Variants in NLGN1 observed in about 807,000 individuals in gnomAD.
NLGN1 encodes the protein neuroligin-1.
NLGN1 carries 12 observed loss-of-function variants against 65.5 expected under a neutral mutation model. That is an observed-to-expected ratio of 0.18 (90% confidence interval 0.12 to 0.30). The LOEUF is 0.30. Ranked by LOEUF, NLGN1 falls within the 10% of genes least tolerant of loss-of-function variation. The pLI, the probability that NLGN1 is intolerant of heterozygous loss-of-function variation, is 1.00. For synonymous variants in NLGN1, 350 were observed against 359.5 expected (o/e 0.97, Z 0.30); for missense variants, 750 against 1,007.1 (o/e 0.74, Z 3.46).
chr3:173,606,477 A>G (rs1015703459), intron 3 of NLGN1, among the ~76,000 whole-genome samples: 7 of 152,016 alleles, frequency 4.6e-5, no homozygotes, highest in African/African-American at 1.4e-4. Context: ...AGAATTTCCA[A>G]TCTTCATACA....
At chr3:174,191,575 A>G (rs939718853) in intron 4 of NLGN1, among the ~76,000 whole-genome samples, 4 of 152,158 alleles carry the variant, frequency 2.6e-5, no homozygotes, top group African/African-American at 9.7e-5. Flanking sequence ...CCAAAAATGA[A>G]ACTACAAATC....
chr3:174,101,377 G>A (rs764208329), intron 4 of NLGN1, among the ~76,000 whole-genome samples: 6 of 152,128 alleles, frequency 3.9e-5, no homozygotes, highest in Non-Finnish European at 5.9e-5. Flanking sequence ...CTATTTGCTT[G>A]TTTAAACTGG....
intron 4 of NLGN1, among the ~76,000 whole-genome samples, chr3:173,963,828 G>A (rs1714174203): frequency 6.6e-6 from 1 of 152,146 alleles, no homozygotes; most frequent in Admixed American, 6.5e-5. Context: ...ACAGAGGTGG[G>A]CAGACTTGGA....
chr3:173,820,608 G>A (rs1720092786), intron 4 of NLGN1, among the ~76,000 whole-genome samples: 1 of 152,126 alleles, frequency 6.6e-6, no homozygotes, highest in Non-Finnish European at 1.5e-5. Context: ...ATTAGGCACA[G>A]TACTTTATTA....
chr3:173,847,503 G>C (rs1018250452), intron 4 of NLGN1, among the ~76,000 whole-genome samples: 7 of 152,244 alleles, frequency 4.6e-5, no homozygotes, highest in African/African-American at 1.7e-4. Flanking sequence ...TAGCTTTAAA[G>C]ACTGGCTTAT....
At chr3:174,039,679 G>A (rs946461923) in intron 4 of NLGN1, among the ~76,000 whole-genome samples, 5 of 152,000 alleles carry the variant, frequency 3.3e-5, no homozygotes, top group African/African-American at 9.7e-5. Flanking sequence ...AAATATATAC[G>A]CCTGAAAAGT....
At chr3:174,130,626 A>G (rs1394042995) in intron 4 of NLGN1, among the ~76,000 whole-genome samples, 1 of 152,142 alleles carries the variant, frequency 6.6e-6, no homozygotes, top group East Asian at 1.9e-4. Flanking sequence ...TCACAAACAG[A>G]TGAACTTTTT....
At chr3:174,099,432 A>G in intron 4 of NLGN1, among the ~76,000 whole-genome samples, 1 of 152,170 alleles carries the variant, frequency 6.6e-6, no homozygotes, top group East Asian at 1.9e-4. Flanking sequence ...ATTTTAGTTG[A>G]TATTGCATTT....
intron 4 of NLGN1, among the ~76,000 whole-genome samples, chr3:174,267,249 C>A (rs1329111635): frequency 3.9e-5 from 6 of 152,192 alleles, no homozygotes. Flanking sequence ...GCAGCATCTA[C>A]TTCTGGTGAG....
chr3:174,138,897 A>G (rs964227854), intron 4 of NLGN1, among the ~76,000 whole-genome samples: 4 of 152,208 alleles, frequency 2.6e-5, no homozygotes, highest in Non-Finnish European at 4.4e-5. Flanking sequence ...AGGTAAAAAA[A>G]TTAAATTATC....
intron 5 of NLGN1, 48 bp from the exon 6 acceptor site, chr3:174,278,813 C>A: frequency 7.3e-7 from 1 of 1,375,318 alleles, no homozygotes; most frequent in Non-Finnish European, 9.7e-7. Context: ...TGTTTTACCA[C>A]AACATTACCC....
At chr3:173,465,099 G>T (rs942846364) in intron 2 of NLGN1, among the ~76,000 whole-genome samples, 1 of 152,088 alleles carries the variant, frequency 6.6e-6, no homozygotes, top group Non-Finnish European at 1.5e-5. Flanking sequence ...GGCATTTCTC[G>T]CAGAGGAATT....
chr3:173,884,001 A>T (rs1733851342), intron 4 of NLGN1, among the ~76,000 whole-genome samples: 1 of 151,210 alleles, frequency 6.6e-6, no homozygotes, highest in African/African-American at 2.4e-5. Flanking sequence ...CCCTTTGAAT[A>T]CGTATTTACC....
intron 4 of NLGN1, among the ~76,000 whole-genome samples, chr3:173,880,860 A>T (rs981202502): frequency 3.3e-5 from 5 of 152,154 alleles, no homozygotes; most frequent in Non-Finnish European, 7.4e-5. Context: ...CTCACCGTAG[A>T]ACTTCTTTCC....
At chr3:174,072,894 A>C (rs1740187297) in intron 4 of NLGN1, among the ~76,000 whole-genome samples, 1 of 152,200 alleles carries the variant, frequency 6.6e-6, no homozygotes, top group South Asian at 2.1e-4. Flanking sequence ...GATTTGAAAC[A>C]TAAATGACTC....
At chr3:174,172,893 T>C (rs1728803962) in intron 4 of NLGN1, among the ~76,000 whole-genome samples, 1 of 152,114 alleles carries the variant, frequency 6.6e-6, no homozygotes, top group Non-Finnish European at 1.5e-5. Flanking sequence ...ATTAAATCCA[T>C]AGATGGCTGT....
chr3:173,557,565 T>A (rs1741917905), intron 2 of NLGN1, among the ~76,000 whole-genome samples: 1 of 152,140 alleles, frequency 6.6e-6, no homozygotes, highest in Admixed American at 6.5e-5. Context: ...TTAAGCCTTC[T>A]GTTTTATATC....
At chr3:173,467,529 T>A (rs1369361228) in intron 2 of NLGN1, among the ~76,000 whole-genome samples, 1 of 152,158 alleles carries the variant, frequency 6.6e-6, no homozygotes, top group Non-Finnish European at 1.5e-5. Flanking sequence ...ATACTTTCAC[T>A]AGAAATGTAT....
chr3:173,994,104 A>G (rs1721739353), intron 4 of NLGN1, among the ~76,000 whole-genome samples: 1 of 152,042 alleles, frequency 6.6e-6, no homozygotes, highest in South Asian at 2.1e-4. Flanking sequence ...ATAAAGTTTA[A>G]TACTTCACTT....
Sources: allele counts gnomAD v4.1 joint callset (sites outside exome capture counted in the v4.1 genomes callset), GRCh38; gene constraint gnomAD v4.1.1; transcripts MANE v1.5; gene names NCBI Gene and HGNC (gene_info 2026-07-23, HGNC 2026-07-21).